The following ZNRF1 variants were observed in gnomAD, a reference collection of about 807,000 sequenced individuals.
The protein encoded by ZNRF1 is zinc and ring finger 1, also known as E3 ubiquitin-protein ligase ZNRF1.
In ZNRF1, 3 loss-of-function variants were observed where a neutral mutation model predicts 18.4. That is an observed-to-expected ratio of 0.16 (90% CI 0.07 to 0.42). The LOEUF is 0.42. ZNRF1 is among the 10% of genes least tolerant of loss of function. The pLI is 0.99. For synonymous variants in ZNRF1, 157 were observed against 144.2 expected (o/e 1.09, Z -0.64); for missense variants, 310 against 329.8 (o/e 0.94, Z 0.47).
chr16:75,087,419 T>G (rs556117345), intron 1 of ZNRF1, among the ~76,000 whole-genome samples: 1 of 152,350 alleles, frequency 6.6e-6, no homozygotes, highest in Non-Finnish European at 1.5e-5. Flanking sequence ...GATTTCCCAC[T>G]TAAGGCACTT....
intron 1 of ZNRF1, among the ~76,000 whole-genome samples, chr16:75,058,182 A>G (rs2035692345): frequency 1.3e-5 from 2 of 148,340 alleles, no homozygotes; most frequent in African/African-American, 5.0e-5. Flanking sequence ...TATGTTGTCC[A>G]GGCTGATCTC....
chr16:75,094,106 T>C (rs570773370), intron 2 of ZNRF1, among the ~76,000 whole-genome samples: 1 of 152,146 alleles, frequency 6.6e-6, no homozygotes, highest in Non-Finnish European at 1.5e-5. Context: ...GTGGCATGCA[T>C]AGAGTGCTGG....
At chr16:75,019,388 G>A (rs1002905840) in intron 1 of ZNRF1, among the ~76,000 whole-genome samples, 2 of 152,052 alleles carry the variant, frequency 1.3e-5, no homozygotes, top group African/African-American at 2.4e-5. Flanking sequence ...TTCCCATGCT[G>A]GAGTGCAAAG....
At chr16:75,096,914 G>A (rs376309011) in intron 2 of ZNRF1, among the ~76,000 whole-genome samples, 3 of 152,232 alleles carry the variant, frequency 2.0e-5, no homozygotes, top group East Asian at 1.9e-4. Context: ...CTGGTGCTCC[G>A]AGGACAGGCA....
chr16:75,096,086 G>GTA (rs1449851424), intron 2 of ZNRF1, among the ~76,000 whole-genome samples: 3 of 146,120 alleles, frequency 2.1e-5, no homozygotes, highest in Non-Finnish European at 4.4e-5. Flanking sequence ...GTGTGTGTGT[G>GTA]TGTGTGTGTG....
intron 2 of ZNRF1, among the ~76,000 whole-genome samples, chr16:75,099,529 A>G (rs898264947): frequency 6.6e-6 from 1 of 152,146 alleles, no homozygotes; most frequent in African/African-American, 2.4e-5. Context: ...CACACTTCCA[A>G]GCTCTCCCTT....
intron 1 of ZNRF1, among the ~76,000 whole-genome samples, chr16:75,091,114 T>C (rs1242667786): frequency 6.6e-6 from 1 of 152,078 alleles, no homozygotes; most frequent in Non-Finnish European, 1.5e-5. Context: ...ATCCCAGCAC[T>C]TTGGGAAGCT....
chr16:75,023,680 T>TCAAA lies in ZNRF1; in HGVS notation c.424+23602_424+23605dup, dbSNP rs536077772. On this transcript the variant is annotated intron_variant, in intron 1 of 4. Coordinates refer to ENST00000335325, the MANE Select transcript of ZNRF1 (RefSeq NM_032268.5). ...GCCTGGGTGAAAGAGCGAAACTCCATCAAACAAACAAACAAACAAAAAAAA... is the reference window on the plus strand; with the variant it reads ...GCCTGGGTGAAAGAGCGAAACTCCATCAAACAAACAAACAAACAAACAAAAAAAA... Among the ~76,000 whole-genome samples, 1,227 of 143,296 alleles carry TCAAA rather than the reference T, an allele frequency of 8.6e-3. 26 individuals are homozygous for TCAAA. Among genetic ancestry groups the TCAAA allele is most frequent in the African/African-American group, 0.028 (1,145 of 40,218 alleles). The allele number at this position is 143,296 out of a possible 152,430, so 94.0% of individuals were successfully genotyped here. A position where few individuals can be genotyped will look rare whatever the true frequency, so the allele number is the denominator to read the frequency against.
intron 1 of ZNRF1, among the ~76,000 whole-genome samples, chr16:75,007,655 A>C (rs1040004765): frequency 1.1e-4 from 16 of 152,316 alleles, no homozygotes; most frequent in African/African-American, 3.6e-4. Flanking sequence ...GGAGGTAGTT[A>C]ACGATGCAGA....
chr16:75,107,599 C>A, intron 4 of ZNRF1, 134 bp from the exon 5 acceptor site: 1 of 414,402 alleles, frequency 2.4e-6, no homozygotes, highest in Non-Finnish European at 4.9e-6. Context: ...GCAAATTCCC[C>A]GTGTGCTGTT....
rs575189151 is a variant in ZNRF1, at chr16:75,097,960, A to G, written c.520+4293A>G. ...TCAGAGACCCTGTGGTCAGAATGAAAGCACCCTACCCTTTCCCTGCCTGGG... is the reference window on the plus strand; with the variant it reads ...TCAGAGACCCTGTGGTCAGAATGAAGGCACCCTACCCTTTCCCTGCCTGGG... On this transcript the variant is annotated intron_variant, in intron 2 of 4. Coordinates refer to ENST00000335325, the MANE Select transcript of ZNRF1 (RefSeq NM_032268.5). 2.0e-5 allele frequency among the ~76,000 whole-genome samples: 3 copies of G among 152,338 alleles called. No individual in the cohort carries two copies. In the East Asian group the frequency reaches 5.8e-4, roughly 29 times the overall value.
chr16:75,104,949 T>C, intron 3 of ZNRF1, 60 bp downstream of exon 3: 2 of 1,361,766 alleles, frequency 1.5e-6, no homozygotes. Context: ...CGGACCCCCA[T>C]CTCCAGCCAT....
At position 75,099,766 on chromosome 16, in the gene ZNRF1, T is replaced by C. The variant is rs114881309; in HGVS notation, c.521-5018T>C. Among the ~76,000 whole-genome samples the C allele has an allele frequency of 6.9e-3, 1,050 of 152,296 alleles. 9 individuals carry two copies. The highest frequency in any genetic ancestry group is 0.024 in the African/African-American group (1,017 of 41,552). On this transcript the variant is annotated intron_variant, in intron 2 of 4. Transcript: ENST00000335325. ...TGGGCCAGGCGCCTGGGTTTTGTGC[T>C]GCGAGGCCCCCGCCATGGCTTTTCT...
intron 1 of ZNRF1, among the ~76,000 whole-genome samples, chr16:75,010,085 C>T (rs868262141): frequency 6.6e-6 from 1 of 152,100 alleles, no homozygotes; most frequent in Non-Finnish European, 1.5e-5. Context: ...CGGGTTCAAG[C>T]GATTCTCCTG....
chr16:75,048,560 A>G (rs902125121), intron 1 of ZNRF1, among the ~76,000 whole-genome samples: 7 of 152,204 alleles, frequency 4.6e-5, no homozygotes, highest in Admixed American at 3.9e-4. Context: ...TACAAGTGGC[A>G]GTTGATGTGG....
chr16:75,022,679 T>A (rs1381152654), intron 1 of ZNRF1, among the ~76,000 whole-genome samples: 3 of 152,274 alleles, frequency 2.0e-5, no homozygotes, highest in African/African-American at 7.2e-5. Context: ...CTAGCCACAT[T>A]TTCAGTGCTC....
chr16:75,016,342 A>T (rs1453869718), intron 1 of ZNRF1, among the ~76,000 whole-genome samples: 1 of 137,832 alleles, frequency 7.3e-6, no homozygotes, highest in African/African-American at 2.7e-5. Flanking sequence ...GGGTTCAAGC[A>T]ATTCTCCCAC....
At chr16:75,033,302 TG>T (rs2145352638) in intron 1 of ZNRF1, among the ~76,000 whole-genome samples, 1 of 151,804 alleles carries the variant, frequency 6.6e-6, no homozygotes, top group South Asian at 2.1e-4. Context: ...GAATTTTGAT[TG>T]GGATTTTATT....
chr16:75,051,205 T>G (rs560055216), intron 1 of ZNRF1, among the ~76,000 whole-genome samples: 1 of 151,726 alleles, frequency 6.6e-6, no homozygotes, highest in Non-Finnish European at 1.5e-5. Flanking sequence ...CACCTCCAAA[T>G]ACATCTATTT....
Sources: allele counts gnomAD v4.1 joint callset (sites outside exome capture counted in the v4.1 genomes callset), GRCh38; gene constraint gnomAD v4.1.1; transcripts MANE v1.5; gene names NCBI Gene and HGNC (gene_info 2026-07-23, HGNC 2026-07-21).